The following NF2 variants were observed in gnomAD, a reference collection of about 807,000 sequenced individuals.
The protein encoded by NF2 is merlin.
A neutral mutation model predicts 83.7 loss-of-function variants in NF2; 8 were observed. The observed-to-expected ratio is 0.10, with a 90% CI of 0.06 to 0.17. The LOEUF is 0.17. Among genes scored for constraint, NF2 ranks in the 10% least tolerant of loss-of-function variants. The pLI, the probability that NF2 is intolerant of heterozygous loss-of-function variation, is 1.00. For missense variants in NF2, 533 were observed against 744.4 expected (o/e 0.72, Z 3.31); for synonymous variants, 266 against 269.6 (o/e 0.99, Z 0.13).
At chr22:29,692,094 GCGAGCAGC>G (rs2067421193) in intron 15 of NF2, among the ~76,000 whole-genome samples, 2 of 152,186 alleles carry the variant, frequency 1.3e-5, no homozygotes. Flanking sequence ...TGTCTAAGGG[GCGAGCAGC>G]AGTGGCCGAA....
intron 7 of NF2, among the ~76,000 whole-genome samples, chr22:29,658,637 C>T (rs564790555): frequency 2.0e-3 from 282 of 142,230 alleles, no homozygotes; most frequent in African/African-American, 6.1e-3. Flanking sequence ...CCACCCCCAC[C>T]CCCACCCCAG....
At chr22:29,655,712 T>G (rs2066283963) in intron 6 of NF2, 36 bp downstream of exon 6, 3 of 1,487,834 alleles carry the variant, frequency 2.0e-6, no homozygotes, top group Non-Finnish European at 2.8e-6. Flanking sequence ...CATTCCTTTA[T>G]GGGCTTTTTT....
At chr22:29,661,583 A>T (rs1014524994) in intron 8 of NF2, among the ~76,000 whole-genome samples, 3 of 152,212 alleles carry the variant, frequency 2.0e-5, no homozygotes, top group African/African-American at 7.2e-5. Flanking sequence ...AGAATAGTGA[A>T]CAAAAACAGT....
chr22:29,639,164 T>C lies in NF2; in HGVS notation c.315T>C (p.Ala105=), dbSNP rs751650863. Residue 105 remains alanine, a synonymous_variant, in exon 3 of 16, where the codon GCT becomes GCC. Coordinates refer to ENST00000338641, the MANE Select transcript of NF2 (RefSeq NM_000268.4). ...TGGCCAAATTTTATCCTGAGAATGC[T>C]GAAGAGGAGCTGGTTCAGGAGATCA... is the stretch of plus-strand genomic sequence containing the variant. The part of the protein sequence containing the change: ...HFLAKFYPEN[A]EEELVQEITQ... 6.2e-7 allele frequency: 1 copy of C among 1,614,204 alleles called. No homozygotes were observed. The highest frequency in any genetic ancestry group is 2.2e-5 in the East Asian group (1 of 44,880).
At position 29,651,046 on chromosome 22, in the gene NF2, T is replaced by C. The variant is rs559191314; in HGVS notation, c.448-3611T>C. Among the ~76,000 whole-genome samples, 7 of 152,392 alleles carry C rather than the reference T, an allele frequency of 4.6e-5. No individual in the cohort carries two copies. In the East Asian group the frequency reaches 9.6e-4, roughly 21 times the overall value. On this transcript the variant is annotated intron_variant, in intron 4 of 15. Transcript: ENST00000338641. ...AGAATGCGTTTACCAACCATTATTA[T>C]ATCCATACTCTGTTATGTTTTGTTC...
intron 15 of NF2, among the ~76,000 whole-genome samples, chr22:29,693,832 C>T (rs2147168188): frequency 6.6e-6 from 1 of 152,350 alleles, no homozygotes; most frequent in South Asian, 2.1e-4. Flanking sequence ...AGACTCCCTC[C>T]CCTCCACCCC....
intron 10 of NF2, among the ~76,000 whole-genome samples, 199 bp downstream of exon 10, chr22:29,668,645 A>G (rs9614027): frequency 7.8e-4 from 119 of 152,342 alleles, no homozygotes; most frequent in African/African-American, 2.0e-3. Context: ...CCCTAATAGC[A>G]TATCTAAAAG....
chr22:29,692,401 C>T (rs925955903), intron 15 of NF2, among the ~76,000 whole-genome samples: 2 of 152,212 alleles, frequency 1.3e-5, no homozygotes, highest in Non-Finnish European at 1.5e-5. Context: ...GCACCCCACC[C>T]ACCCCAGAGC....
intron 14 of NF2, 51 bp from the exon 15 acceptor site, chr22:29,681,388 G>A (rs763981967): frequency 1.2e-5 from 20 of 1,608,642 alleles, no homozygotes; most frequent in African/African-American, 5.3e-5. Flanking sequence ...CACCTGAGCC[G>A]TGTCTCACTG....
rs143701873 is a variant in NF2 at position 29,642,052 on chromosome 22, T to TA, written c.364-140dup. 0.032 allele frequency: 16,968 copies of TA among 535,916 alleles called. 31 individuals are homozygous for TA. Among genetic ancestry groups the TA allele is most frequent in the Non-Finnish European group, 0.039 (11,449 of 294,018 alleles). The allele number at this position is 535,916 out of a possible 1,614,324, so 33.2% of individuals were successfully genotyped here. A position where few individuals can be genotyped will look rare whatever the true frequency, so the allele number is the denominator to read the frequency against. On this transcript the variant is annotated intron_variant, in intron 3 of 15. Transcript: ENST00000338641. ...TGAACTCTCCACCTGTCTGCATCAG[T>TA]AAAAAAAAAATTGTACCCTTTGTCA...
intron 15 of NF2, among the ~76,000 whole-genome samples, chr22:29,693,654 G>C (rs2067465731): frequency 6.6e-6 from 1 of 152,244 alleles, no homozygotes; most frequent in East Asian, 1.9e-4. Flanking sequence ...TGATGGCAGA[G>C]AGTGAGCTCT....
intron 4 of NF2, among the ~76,000 whole-genome samples, chr22:29,645,395 G>A (rs968431343): frequency 6.6e-6 from 1 of 152,170 alleles, no homozygotes; most frequent in Non-Finnish European, 1.5e-5. Flanking sequence ...CTTTGAGATT[G>A]CATTTTGTGC....
At chr22:29,638,675 A>T (rs1482436762) in intron 2 of NF2, among the ~76,000 whole-genome samples, 1 of 152,016 alleles carries the variant, frequency 6.6e-6, no homozygotes, top group African/African-American at 2.4e-5. Context: ...TCTATCACGG[A>T]CCTAAATATT....
chr22:29,660,328 T>C (rs2066441292), intron 7 of NF2, among the ~76,000 whole-genome samples: 1 of 152,212 alleles, frequency 6.6e-6, no homozygotes, highest in Non-Finnish European at 1.5e-5. Flanking sequence ...TTGATATGTA[T>C]TTCCCATCAT....
In NF2 at chr22:29,696,119, G is replaced by A; in HGVS notation, c.*1317G>A. On this transcript the variant is annotated 3_prime_UTR_variant, in exon 16 of 16. Transcript: ENST00000338641. ...GATGGAGTCTCTCTCTGTCACCCAG[G>A]TGGGAGTGTGGTGGCACAATCTCGG... The A allele has an allele frequency of 4.5e-6, 1 of 223,212 alleles. No individual in the cohort carries two copies. The highest frequency in any genetic ancestry group is 8.8e-6 in the Non-Finnish European group (1 of 114,038). 13.8% of individuals were successfully genotyped at this position (223,212 alleles called of 1,614,324 possible).
intron 6 of NF2, 140 bp downstream of exon 6, chr22:29,655,816 G>T (rs1018646341): frequency 1.1e-5 from 8 of 715,214 alleles, no homozygotes; most frequent in Non-Finnish European, 1.9e-5. Flanking sequence ...GAGAGCTGGG[G>T]AGCTGGGAGT....
intron 15 of NF2, chr22:29,683,655 G>A (rs1303728515): frequency 9.2e-7 from 1 of 1,081,438 alleles, no homozygotes; most frequent in Non-Finnish European, 1.1e-6. Context: ...TGAGTCCACG[G>A]GGAGTGGACT....
chr22:29,620,598 G>T (rs1165899049), intron 1 of NF2, among the ~76,000 whole-genome samples: 1 of 151,042 alleles, frequency 6.6e-6, no homozygotes, highest in Non-Finnish European at 1.5e-5. Flanking sequence ...AATTAGCCGG[G>T]GGCAATGGCA....
At chr22:29,645,175 C>G (rs867971629) in intron 4 of NF2, among the ~76,000 whole-genome samples, 1 of 152,114 alleles carries the variant, frequency 6.6e-6, no homozygotes, top group Non-Finnish European at 1.5e-5. Flanking sequence ...GCTAGTCAGA[C>G]CAATAGAAGC....
Sources: gnomAD v4.1 joint callset for allele counts (sites outside exome capture counted in the v4.1 genomes callset) on GRCh38, gnomAD v4.1.1 for gene constraint, MANE v1.5 for transcripts, NCBI Gene and HGNC (gene_info 2026-07-23, HGNC 2026-07-21) for gene names.